Variants in STARD13 observed in about 807,000 individuals in gnomAD.
The protein encoded by STARD13 is StAR related lipid transfer domain containing 13.
A neutral mutation model predicts 106.4 loss-of-function variants in STARD13; 62 were observed. The ratio of observed to expected loss-of-function variants is 0.58; its 90% CI spans 0.48 to 0.72. The LOEUF is 0.72. Among genes scored for constraint, STARD13 ranks in the 30% least tolerant of loss-of-function variants. STARD13 has a pLI of 0.00. For synonymous variants in STARD13, 565 were observed against 553.0 expected (o/e 1.02, Z -0.31); for missense variants, 1,387 against 1,424.0 (o/e 0.97, Z 0.42).
rs768282107 is a variant in STARD13 at position 33,110,773 on chromosome 13, G to T, written c.2742C>A (p.Ile914=). Residue 914 remains isoleucine, a synonymous_variant, in exon 11 of 14, where the codon ATC becomes ATA. Transcript: ENST00000336934. Reference sequence around the variant, plus strand: ...CCTTGGCTTCTTTCTGGAGGCCCTGGATGAGATGGTTCAGGTAAGTGTGGA... The same window carrying T: ...CCTTGGCTTCTTTCTGGAGGCCCTGTATGAGATGGTTCAGGTAAGTGTGGA... ...ATFHTYLNHL[I]QGLQKEAKEK... is the part of the protein sequence containing the mutation. The T allele has an allele frequency of 6.2e-7, 1 of 1,614,074 alleles. No homozygotes were observed. The highest frequency in any genetic ancestry group is 1.7e-5 in the Admixed American group (1 of 60,002).
intron 3 of STARD13, among the ~76,000 whole-genome samples, chr13:33,152,394 T>C (rs1334770332): frequency 6.9e-6 from 1 of 145,140 alleles, no homozygotes; most frequent in Admixed American, 7.0e-5. Context: ...CTATACCTGC[T>C]AACCCCGAGG....
intron 13 of STARD13, 98 bp downstream of exon 13, chr13:33,106,660 C>A (rs896873895): frequency 1.0e-5 from 12 of 1,163,310 alleles, no homozygotes; most frequent in African/African-American, 1.5e-5. Flanking sequence ...GAAACAAATA[C>A]AGTGAAATAA....
At chr13:33,631,624 GTGTT>G in the STARD13 span, among the ~76,000 whole-genome samples, 1 of 152,092 alleles carries the variant, frequency 6.6e-6, no homozygotes, top group Non-Finnish European at 1.5e-5. Context: ...TAGAAGATTT[GTGTT>G]TGTTTATTTT....
chr13:33,302,811 C>T (rs774494842), intron 1 of STARD13, among the ~76,000 whole-genome samples: 12 of 152,148 alleles, frequency 7.9e-5, no homozygotes, highest in Non-Finnish European at 1.2e-4. Flanking sequence ...TAGTTGTTTG[C>T]ATATATAGCT....
rs1875674762 is a variant in STARD13, at chr13:33,118,146, T to C, written c.2200A>G (p.Met734Val). Residue 734 changes from methionine (M) to valine (V), a missense_variant, in exon 8 of 14, where the codon ATG becomes GTG. Met to Val is a conservative substitution (Grantham distance 21). Transcript: ENST00000336934. ...EDQSAYDVADMVKQFFRDLPE... is the reference protein window; with the variant it reads ...EDQSAYDVADVVKQFFRDLPE... The stretch of plus-strand genomic sequence containing the variant: ...AGGTCCCGGAAGAACTGTTTCACCA[T>C]ATCCGCCACATCATAAGCAGACTGG... The C allele has an allele frequency of 6.2e-7, 1 of 1,614,134 alleles. No individual in the cohort carries two copies. Among genetic ancestry groups the C allele is most frequent in the South Asian group, 1.1e-5 (1 of 91,092 alleles).
intron 1 of STARD13, among the ~76,000 whole-genome samples, chr13:33,301,860 G>A (rs577793548): frequency 1.1e-4 from 16 of 139,600 alleles, no homozygotes; most frequent in East Asian, 2.0e-4. Context: ...GAGCCACCGC[G>A]CCCGGCCTCC....
chr13:33,187,997 C>A (rs1011279031), intron 1 of STARD13, among the ~76,000 whole-genome samples: 19 of 152,152 alleles, frequency 1.2e-4, no homozygotes, highest in Non-Finnish European at 2.6e-4. Context: ...AACGAAGCAT[C>A]TTTAAATAAT....
At chr13:33,512,507 G>A in the STARD13 span, among the ~76,000 whole-genome samples, 33 of 151,730 alleles carry the variant, frequency 2.2e-4, 1 homozygote, top group East Asian at 2.7e-3. Flanking sequence ...TGCTCTTGTC[G>A]CTTAGGCTGG....
At chr13:33,459,076 C>T in the STARD13 span, among the ~76,000 whole-genome samples, 15 of 152,064 alleles carry the variant, frequency 9.9e-5, no homozygotes, top group Admixed American at 9.8e-4. Flanking sequence ...TGTCTTTTCT[C>T]ATTTTTTACA....
the STARD13 span, among the ~76,000 whole-genome samples, chr13:33,456,121 G>A: frequency 6.6e-6 from 1 of 152,282 alleles, no homozygotes; most frequent in East Asian, 1.9e-4. Context: ...AGCTATATAT[G>A]TATCAGTGTG....
the STARD13 span, among the ~76,000 whole-genome samples, chr13:33,499,633 TCTTCTTCTTCTTCTC>T: frequency 1.9e-4 from 25 of 128,780 alleles, 2 homozygotes; most frequent in African/African-American, 8.7e-4. Flanking sequence ...TTCTTCTTCT[TCTTCTTCTTCTTCTC>T]CTTCTTCTTC....
the STARD13 span, among the ~76,000 whole-genome samples, chr13:33,530,154 T>C: frequency 6.6e-6 from 1 of 152,068 alleles, no homozygotes; most frequent in South Asian, 2.1e-4. Context: ...TTCAACACCT[T>C]ATTTTTATTG....
chr13:33,284,644 T>A (rs1891965434), intron 1 of STARD13, among the ~76,000 whole-genome samples: 3 of 152,128 alleles, frequency 2.0e-5, no homozygotes, highest in Non-Finnish European at 2.9e-5. Flanking sequence ...ATTAACTGAC[T>A]GTAAACGTGT....
chr13:33,113,225 C>A (rs1874875895), intron 8 of STARD13: 1 of 453,750 alleles, frequency 2.2e-6, no homozygotes, highest in Non-Finnish European at 4.0e-6. Context: ...GTATTCTGAG[C>A]AATCAACCCA....
chr13:33,111,938 C>T (rs1248754969), intron 9 of STARD13, 46 bp from the exon 10 acceptor site: 7 of 1,233,198 alleles, frequency 5.7e-6, no homozygotes, highest in Non-Finnish European at 8.4e-6. Flanking sequence ...CACCAACGAG[C>T]TTGTCACAAT....
At chr13:33,391,246 G>A in the STARD13 span, among the ~76,000 whole-genome samples, 4 of 152,114 alleles carry the variant, frequency 2.6e-5, no homozygotes, top group Admixed American at 6.5e-5. Context: ...CAGAGCCAAC[G>A]ATATTGACAA....
the STARD13 span, among the ~76,000 whole-genome samples, chr13:33,640,054 G>C: frequency 6.6e-6 from 1 of 152,222 alleles, no homozygotes; most frequent in Non-Finnish European, 1.5e-5. Context: ...CCTAAAGCAG[G>C]TGTACAATCT....
At chr13:33,640,992 G>C in the STARD13 span, among the ~76,000 whole-genome samples, 90 of 152,262 alleles carry the variant, frequency 5.9e-4, 1 homozygote, top group African/African-American at 2.1e-3. Flanking sequence ...AAGACACAGG[G>C]GGAATTGTTC....
chr13:33,639,526 A>G, the STARD13 span, among the ~76,000 whole-genome samples: 1 of 152,236 alleles, frequency 6.6e-6, no homozygotes. Context: ...AGGTACCAAC[A>G]TGAAAGCAGA....
Sources: gnomAD v4.1 joint callset for allele counts (sites outside exome capture counted in the v4.1 genomes callset) on GRCh38, gnomAD v4.1.1 for gene constraint, MANE v1.5 for transcripts, NCBI Gene and HGNC (gene_info 2026-07-23, HGNC 2026-07-21) for gene names.